The following PLCB1 variants were observed in gnomAD, a reference collection of about 807,000 sequenced individuals.
The protein encoded by PLCB1 is 1-phosphatidylinositol 4,5-bisphosphate phosphodiesterase beta-1.
PLCB1 carries 46 observed loss-of-function variants against 161.8 expected under a neutral mutation model. The observed-to-expected ratio is 0.28, with a 90% CI of 0.22 to 0.36. The LOEUF (loss-of-function observed/expected upper bound fraction) is 0.36, where lower values mean the gene tolerates loss of function less well. PLCB1 is among the 10% of genes least tolerant of loss of function. The pLI, the probability that PLCB1 is intolerant of heterozygous loss-of-function variation, is 1.00. For synonymous variants in PLCB1, 517 were observed against 503.7 expected (o/e 1.03, Z -0.35); for missense variants, 1,016 against 1,472.5 (o/e 0.69, Z 5.07).
chr20:8,706,303 A>G (rs189554968), intron 11 of PLCB1, among the ~76,000 whole-genome samples: 2 of 152,344 alleles, frequency 1.3e-5, no homozygotes, highest in East Asian at 1.9e-4. Flanking sequence ...GGCCAAGCCT[A>G]TGGTCAACAG....
chr20:8,633,476 T>G (rs1988666332), intron 4 of PLCB1, among the ~76,000 whole-genome samples: 1 of 152,104 alleles, frequency 6.6e-6, no homozygotes, highest in African/African-American at 2.4e-5. Flanking sequence ...TTGATTGTAT[T>G]AAAAAGTCAT....
At chr20:8,618,628 GA>G in intron 3 of PLCB1, among the ~76,000 whole-genome samples, 1 of 152,154 alleles carries the variant, frequency 6.6e-6, no homozygotes, top group Middle Eastern at 3.4e-3. Flanking sequence ...ATTGAAAATT[GA>G]GGTCTTAGAG....
intron 3 of PLCB1, among the ~76,000 whole-genome samples, chr20:8,567,699 A>T (rs552349412): frequency 6.6e-6 from 1 of 152,196 alleles, no homozygotes; most frequent in Admixed American, 6.5e-5. Context: ...TAGCCACTGC[A>T]CTCTAGCCTG....
At chr20:8,394,218 G>A (rs1045056611) in intron 3 of PLCB1, among the ~76,000 whole-genome samples, 1 of 152,004 alleles carries the variant, frequency 6.6e-6, no homozygotes, top group Non-Finnish European at 1.5e-5. Context: ...ACTATTTCTA[G>A]AGCCTATTTT....
intron 2 of PLCB1, among the ~76,000 whole-genome samples, chr20:8,230,493 C>G (rs1485107877): frequency 6.6e-6 from 1 of 152,144 alleles, no homozygotes; most frequent in Non-Finnish European, 1.5e-5. Flanking sequence ...TCCTACTGTG[C>G]TGTCCAACAT....
At chr20:8,172,485 G>A (rs1047114778) in intron 2 of PLCB1, among the ~76,000 whole-genome samples, 4 of 152,180 alleles carry the variant, frequency 2.6e-5, no homozygotes, top group African/African-American at 9.7e-5. Flanking sequence ...ATGGGGATTG[G>A]GATCAGTAGT....
chr20:8,703,328 A>G (rs1978475425), intron 11 of PLCB1, among the ~76,000 whole-genome samples: 1 of 152,246 alleles, frequency 6.6e-6, no homozygotes, highest in Admixed American at 6.5e-5. Context: ...ATTGAAATTC[A>G]TAAAAGCCAA....
chr20:8,865,090 C>T lies in PLCB1; in HGVS notation c.3424-16532C>T, dbSNP rs560137566. On this transcript the variant is annotated intron_variant, in intron 31 of 31. Coordinates refer to ENST00000338037, the MANE Select transcript of PLCB1 (RefSeq NM_015192.4). ...TGTCCTTATAAGAGTAACTTCACTG[C>T]GGCCATAGATTCTGTATATACCTTA... 3.3e-5 allele frequency among the ~76,000 whole-genome samples: 5 copies of T among 152,276 alleles called. No individual in the cohort carries two copies. In the East Asian group the frequency reaches 5.8e-4, roughly 18 times the overall value.
chr20:8,759,869 C>T (rs1284632889), intron 24 of PLCB1, among the ~76,000 whole-genome samples: 5 of 142,974 alleles, frequency 3.5e-5, no homozygotes, highest in African/African-American at 5.2e-5. Flanking sequence ...TCTTTTCTCT[C>T]GTTATAAATG....
chr20:8,453,127 G>A (rs1981147642), intron 3 of PLCB1, among the ~76,000 whole-genome samples: 3 of 152,080 alleles, frequency 2.0e-5, no homozygotes, highest in South Asian at 4.1e-4. Flanking sequence ...TTCTGGCATC[G>A]CATCCTTCCT....
At chr20:8,427,360 G>A (rs1979829419) in intron 3 of PLCB1, among the ~76,000 whole-genome samples, 1 of 152,190 alleles carries the variant, frequency 6.6e-6, no homozygotes, top group Non-Finnish European at 1.5e-5. Context: ...AGGGTTTGGA[G>A]ATTCAAACCT....
chr20:8,815,606 T>C (rs1291116561), intron 31 of PLCB1, among the ~76,000 whole-genome samples: 1 of 152,122 alleles, frequency 6.6e-6, no homozygotes, highest in Non-Finnish European at 1.5e-5. Context: ...TTACAGGCAG[T>C]GGTAGGGCCA....
At chr20:8,566,526 A>G (rs549958543) in intron 3 of PLCB1, among the ~76,000 whole-genome samples, 1 of 152,272 alleles carries the variant, frequency 6.6e-6, no homozygotes, top group African/African-American at 2.4e-5. Flanking sequence ...AATATCACCA[A>G]ATAAACATAA....
intron 11 of PLCB1, among the ~76,000 whole-genome samples, chr20:8,701,525 C>T (rs1216346722): frequency 6.6e-6 from 1 of 152,170 alleles, no homozygotes; most frequent in Non-Finnish European, 1.5e-5. Flanking sequence ...CCTGACACCC[C>T]CACTTTTTAG....
At chr20:8,807,471 C>T (rs1984594348) in intron 31 of PLCB1, among the ~76,000 whole-genome samples, 1 of 151,708 alleles carries the variant, frequency 6.6e-6, no homozygotes, top group Non-Finnish European at 1.5e-5. Context: ...TTTTACTTAT[C>T]AATAGTAAAA....
rs547576552 is a variant in PLCB1, at chr20:8,593,644, T to C, written c.247-34650T>C. 2.6e-5 allele frequency among the ~76,000 whole-genome samples: 4 copies of C among 152,254 alleles called. No homozygotes were observed. In the East Asian group the frequency reaches 7.7e-4, roughly 29 times the overall value. The stretch of plus-strand genomic sequence containing the variant: ...ATTGGCATTTTACTTTTGTTTTTAT[T>C]AGATTTTTTATTTTTATTTTTTTAA... On this transcript the variant is annotated intron_variant, in intron 3 of 31. Coordinates refer to ENST00000338037, the MANE Select transcript of PLCB1 (RefSeq NM_015192.4).
intron 31 of PLCB1, among the ~76,000 whole-genome samples, chr20:8,835,458 A>G (rs1247029565): frequency 6.6e-6 from 1 of 152,058 alleles, no homozygotes; most frequent in Non-Finnish European, 1.5e-5. Flanking sequence ...TAAGTCCCTA[A>G]CCACAGGCTT....
intron 1 of PLCB1, among the ~76,000 whole-genome samples, chr20:8,142,574 C>T (rs2051415297): frequency 6.6e-6 from 1 of 152,092 alleles, no homozygotes; most frequent in Admixed American, 6.5e-5. Context: ...TAAATTTTAC[C>T]ATTAGTTCCT....
At chr20:8,479,489 G>A (rs926346935) in intron 3 of PLCB1, among the ~76,000 whole-genome samples, 1 of 152,202 alleles carries the variant, frequency 6.6e-6, no homozygotes, top group Non-Finnish European at 1.5e-5. Flanking sequence ...GAAAATGGTT[G>A]TATGCTATAT....
Sources: allele counts gnomAD v4.1 joint callset (sites outside exome capture counted in the v4.1 genomes callset), GRCh38; gene constraint gnomAD v4.1.1; transcripts MANE v1.5; gene names NCBI Gene and HGNC (gene_info 2026-07-23, HGNC 2026-07-21).